WDPCP: variants seen among roughly 807,000 people sequenced by gnomAD.
WDPCP encodes WD repeat-containing and planar cell polarity effector protein fritz homolog.
A neutral mutation model predicts 93.1 loss-of-function variants in WDPCP; 71 were observed. The ratio of observed to expected loss-of-function variants is 0.76; its 90% CI spans 0.63 to 0.93. WDPCP has a LOEUF of 0.93. WDPCP is among the 40% of genes least tolerant of loss of function. The pLI is 0.00. For missense variants in WDPCP, 844 were observed against 887.4 expected, an observed-to-expected ratio of 0.95 and a Z score of 0.62; for synonymous variants, 315 against 315.0, an observed-to-expected ratio of 1.00 and a Z score of 0.00.
chr2:63,509,253 C>CA (rs1323999695), intron 1 of WDPCP, among the ~76,000 whole-genome samples: 2 of 152,180 alleles, frequency 1.3e-5, no homozygotes, highest in Non-Finnish European at 2.9e-5. Flanking sequence ...ACAATGCAAT[C>CA]AAATTAGAAC....
At chr2:63,333,920 C>A (rs955278168) in intron 12 of WDPCP, among the ~76,000 whole-genome samples, 3 of 152,192 alleles carry the variant, frequency 2.0e-5, no homozygotes, top group Admixed American at 2.0e-4. Flanking sequence ...TTAATAAAAA[C>A]CCACTTGTAA....
chr2:63,716,221 T>C (rs1408325416), intron 2 of WDPCP, among the ~76,000 whole-genome samples: 1 of 152,210 alleles, frequency 6.6e-6, no homozygotes, highest in Non-Finnish European at 1.5e-5. Flanking sequence ...AAAGGACAAC[T>C]TTCTTTCTAG....
At chr2:63,675,447 G>A (rs1353192240) in intron 2 of WDPCP, among the ~76,000 whole-genome samples, 1 of 152,132 alleles carries the variant, frequency 6.6e-6, no homozygotes, top group Non-Finnish European at 1.5e-5. Context: ...AAAGTGAAAA[G>A]CCTATGCTTT....
intron 9 of WDPCP, among the ~76,000 whole-genome samples, chr2:63,420,076 T>C (rs1339302837): frequency 6.6e-6 from 1 of 152,178 alleles, no homozygotes; most frequent in Non-Finnish European, 1.5e-5. Context: ...TTTACTTTTT[T>C]AAAAGGTACA....
chr2:63,822,357 G>A (rs184410452), intron 1 of WDPCP, among the ~76,000 whole-genome samples: 151 of 152,040 alleles, frequency 9.9e-4, no homozygotes, highest in Non-Finnish European at 1.4e-3. Context: ...TGGCCAATAT[G>A]TTACCTATTT....
chr2:63,523,453 G>A (rs1703089531), intron 1 of WDPCP, among the ~76,000 whole-genome samples: 1 of 152,178 alleles, frequency 6.6e-6, no homozygotes, highest in Non-Finnish European at 1.5e-5. Flanking sequence ...GTCATAGCCA[G>A]AGCAATCAGA....
chr2:63,328,094 C>G (rs2104289672), intron 12 of WDPCP, among the ~76,000 whole-genome samples: 1 of 152,228 alleles, frequency 6.6e-6, no homozygotes, highest in South Asian at 2.1e-4. Flanking sequence ...TGGTTGGGGA[C>G]TTGGAGAACT....
chr2:63,521,720 G>T (rs1472867474), intron 1 of WDPCP, among the ~76,000 whole-genome samples: 1 of 151,994 alleles, frequency 6.6e-6, no homozygotes, highest in Admixed American at 6.6e-5. Flanking sequence ...CCAAAAGAAT[G>T]AATATACATT....
the WDPCP span, among the ~76,000 whole-genome samples, chr2:63,833,244 C>T: frequency 6.6e-6 from 1 of 152,142 alleles, no homozygotes; most frequent in Admixed American, 6.5e-5. Flanking sequence ...CAGAGTGAGA[C>T]TCCATCTCAA....
chr2:63,724,416 T>C (rs1392350329), intron 2 of WDPCP, among the ~76,000 whole-genome samples: 1 of 152,138 alleles, frequency 6.6e-6, no homozygotes, highest in Non-Finnish European at 1.5e-5. Context: ...AGGAACCTAC[T>C]TGCCAGTTCT....
chr2:63,694,107 T>A (rs780864404), intron 2 of WDPCP, among the ~76,000 whole-genome samples: 1 of 152,206 alleles, frequency 6.6e-6, no homozygotes, highest in Non-Finnish European at 1.5e-5. Context: ...CAGCAAAACT[T>A]ATGAACAGAG....
chr2:63,824,669 A>G (rs183579180), intron 1 of WDPCP, among the ~76,000 whole-genome samples: 2 of 151,866 alleles, frequency 1.3e-5, no homozygotes, highest in Admixed American at 6.6e-5. Flanking sequence ...AAAATATATT[A>G]TAAATTATAG....
At chr2:63,546,206 G>A (rs1005248835) in intron 1 of WDPCP, among the ~76,000 whole-genome samples, 10 of 152,122 alleles carry the variant, frequency 6.6e-5, no homozygotes, top group Admixed American at 4.6e-4. Flanking sequence ...TTACTGTTCC[G>A]CCTAAAGAAT....
At chr2:63,780,980 A>G (rs1670383325) in intron 2 of WDPCP, among the ~76,000 whole-genome samples, 1 of 152,176 alleles carries the variant, frequency 6.6e-6, no homozygotes, top group Non-Finnish European at 1.5e-5. Flanking sequence ...AAATAAAACC[A>G]CTTCAGAAAT....
At chr2:63,531,240 C>G (rs141878202) in intron 1 of WDPCP, among the ~76,000 whole-genome samples, 2,106 of 152,358 alleles carry the variant, frequency 0.014, 48 homozygotes, top group African/African-American at 0.049. Flanking sequence ...CTGCCTGCCT[C>G]TGTAGACTCC....
chr2:63,541,671 A>C (rs1214393692), intron 1 of WDPCP, among the ~76,000 whole-genome samples: 1 of 152,186 alleles, frequency 6.6e-6, no homozygotes, highest in Admixed American at 6.5e-5. Flanking sequence ...TTAATGTTAA[A>C]GGTAAGGCGA....
At chr2:63,752,622 G>A (rs748105604) in intron 2 of WDPCP, 33 of 503,730 alleles carry the variant, frequency 6.6e-5, no homozygotes, top group Admixed American at 2.2e-4. Flanking sequence ...TACTGATTTA[G>A]ACATGACGGT....
At chr2:63,371,341 A>T (rs1397013623) in intron 12 of WDPCP, among the ~76,000 whole-genome samples, 1 of 152,094 alleles carries the variant, frequency 6.6e-6, no homozygotes, top group South Asian at 2.1e-4. Context: ...CGCTTACTCA[A>T]TTACTGCAAT....
At chr2:63,210,476 A>T (rs1463192434) in intron 14 of WDPCP, among the ~76,000 whole-genome samples, 5 of 152,208 alleles carry the variant, frequency 3.3e-5, no homozygotes, top group African/African-American at 1.2e-4. Context: ...TGTAGGGGGA[A>T]GTTCCAAGAT....
Sources: gnomAD v4.1 joint callset for allele counts (sites outside exome capture counted in the v4.1 genomes callset) on GRCh38, gnomAD v4.1.1 for gene constraint, MANE v1.5 for transcripts, NCBI Gene and HGNC (gene_info 2026-07-23, HGNC 2026-07-21) for gene names.